The following RABGEF1 variants were observed in gnomAD, a reference collection of about 807,000 sequenced individuals.
RABGEF1 encodes RAB guanine nucleotide exchange factor 1.
Under a neutral mutation model 57.3 loss-of-function variants are expected in RABGEF1, and 26 were observed. The ratio of observed to expected loss-of-function variants is 0.45; its 90% confidence interval spans 0.33 to 0.63. The LOEUF (loss-of-function observed/expected upper bound fraction) is 0.63, where lower values mean the gene tolerates loss of function less well. RABGEF1 is among the 20% of genes least tolerant of loss of function. RABGEF1 has a pLI of 0.02. For synonymous variants in RABGEF1, 185 were observed against 210.7 expected (o/e 0.88, Z 1.06); for missense variants, 464 against 607.6 (o/e 0.76, Z 2.48).
At chr7:66,700,499 T>TCGTTGGGGGGAGGGGGAGGG (rs1793085836) in intron 1 of RABGEF1, among the ~76,000 whole-genome samples, 1 of 62,664 alleles carries the variant, frequency 1.6e-5, no homozygotes, top group Non-Finnish European at 3.9e-5. Flanking sequence ...GAGGGGGAGG[T>TCGTTGGGGGGAGGGGGAGGG]AGGGGAGGGG....
At chr7:66,785,056 T>C (rs1346875672) in intron 4 of RABGEF1, among the ~76,000 whole-genome samples, 1 of 152,220 alleles carries the variant, frequency 6.6e-6, no homozygotes, top group Non-Finnish European at 1.5e-5. Flanking sequence ...GCATGTATGC[T>C]GTATAATATG....
Position 66,705,455 on chromosome 7 carries a change from G to C in RABGEF1, c.-872-6712G>C, listed in dbSNP as rs891138607. 6.0e-4 allele frequency among the ~76,000 whole-genome samples: 78 copies of C among 131,054 alleles called. 1 individual carries two copies. Among genetic ancestry groups the C allele is most frequent in the African/African-American group, 1.9e-3 (65 of 34,722 alleles). The allele number at this position is 131,054 out of a possible 152,430, so 86.0% of individuals were successfully genotyped here. On this transcript the variant is annotated intron_variant and NMD_transcript_variant, in intron 1 of 9. Coordinates refer to the RABGEF1 transcript ENST00000607882. The stretch of plus-strand genomic sequence containing the variant: ...CCATCTCGAAAGAAAGAGAGAGAGA[G>C]AGAGAGAGAGAGAGAGAGAGAGAGA...
chr7:66,657,983 A>T, the RABGEF1 span, among the ~76,000 whole-genome samples: 1 of 152,198 alleles, frequency 6.6e-6, no homozygotes, highest in African/African-American at 2.4e-5. Context: ...TTAAGAGAAT[A>T]GATAAAATTA....
chr7:66,781,151 C>A (rs1809793354), intron 3 of RABGEF1, among the ~76,000 whole-genome samples: 1 of 152,028 alleles, frequency 6.6e-6, no homozygotes, highest in Non-Finnish European at 1.5e-5. Context: ...ACATCTTTAT[C>A]TCCACTATCA....
intron 1 of RABGEF1, among the ~76,000 whole-genome samples, chr7:66,686,077 G>A (rs1790581242): frequency 6.6e-6 from 1 of 152,098 alleles, no homozygotes; most frequent in Non-Finnish European, 1.5e-5. Context: ...CCAGGAGTTA[G>A]AGACCAGCCT....
At chr7:66,749,909 G>C (rs1348397846) in intron 1 of RABGEF1, among the ~76,000 whole-genome samples, 1 of 152,162 alleles carries the variant, frequency 6.6e-6, no homozygotes, top group African/African-American at 2.4e-5. Context: ...GGGAGGCGGA[G>C]CTTGCAGTGA....
chr7:66,719,489 T>G (rs1437802965), intron 2 of RABGEF1, among the ~76,000 whole-genome samples: 1 of 152,226 alleles, frequency 6.6e-6, no homozygotes, highest in Non-Finnish European at 1.5e-5. Context: ...TGAGCCACCA[T>G]GCCTGGCCAA....
chr7:66,736,130 G>A (rs1797915686), upstream of RABGEF1, among the ~76,000 whole-genome samples: 1 of 152,126 alleles, frequency 6.6e-6, no homozygotes, highest in Non-Finnish European at 1.5e-5. Context: ...AAGCCTCAGT[G>A]GGCATCCTGA....
intron 2 of RABGEF1, among the ~76,000 whole-genome samples, chr7:66,727,653 G>C (rs1184579443): frequency 6.6e-6 from 1 of 152,246 alleles, no homozygotes; most frequent in Non-Finnish European, 1.5e-5. Flanking sequence ...AGTCGGGAAG[G>C]CCGGCCCATG....
chr7:66,784,712 T>G (rs1053398702), intron 4 of RABGEF1, among the ~76,000 whole-genome samples: 18 of 152,232 alleles, frequency 1.2e-4, no homozygotes, highest in Admixed American at 1.2e-3. Flanking sequence ...TTTTAGATAT[T>G]GAATTCAGTT....
intron 3 of RABGEF1, among the ~76,000 whole-genome samples, chr7:66,775,652 C>A (rs570744711): frequency 1.5e-3 from 231 of 152,290 alleles, no homozygotes; most frequent in African/African-American, 5.2e-3. Flanking sequence ...TTATGAAATT[C>A]ATCCCCATCC....
chr7:66,754,847 A>G (rs960733201), intron 1 of RABGEF1, among the ~76,000 whole-genome samples: 14 of 152,208 alleles, frequency 9.2e-5, no homozygotes, highest in South Asian at 6.2e-4. Flanking sequence ...TGAAATGGCT[A>G]CAGCAAAGCT....
intron 2 of RABGEF1, among the ~76,000 whole-genome samples, chr7:66,723,643 T>A (rs772788495): frequency 1.3e-5 from 2 of 152,110 alleles, no homozygotes; most frequent in Non-Finnish European, 2.9e-5. Flanking sequence ...TGTAGTGGTG[T>A]GATCTTGGCT....
intron 1 of RABGEF1, among the ~76,000 whole-genome samples, chr7:66,758,695 G>A (rs898401995): frequency 1.3e-5 from 2 of 151,740 alleles, no homozygotes; most frequent in South Asian, 2.1e-4. Context: ...CGACTCTCCT[G>A]CCTTCTACCG....
At chr7:66,767,727 A>G (rs1806105380) in intron 1 of RABGEF1, among the ~76,000 whole-genome samples, 1 of 152,220 alleles carries the variant, frequency 6.6e-6, no homozygotes, top group South Asian at 2.1e-4. Context: ...ATGTGAGGAC[A>G]CAGGGAGAAG....
chr7:66,697,106 A>G (rs1792466282), intron 1 of RABGEF1, among the ~76,000 whole-genome samples: 1 of 152,280 alleles, frequency 6.6e-6, no homozygotes, highest in East Asian at 1.9e-4. Context: ...AAGCACAGTC[A>G]TGGTGGTGAG....
At chr7:66,675,296 G>A in the RABGEF1 span, among the ~76,000 whole-genome samples, 1 of 152,140 alleles carries the variant, frequency 6.6e-6, no homozygotes, top group Non-Finnish European at 1.5e-5. Flanking sequence ...CAGGCGTGGT[G>A]GCAGGAGCCT....
Position 66,734,539 on chromosome 7 carries a change from G to A in RABGEF1, c.-814-5457G>A, listed in dbSNP as rs182941653. On this transcript the variant is annotated intron_variant and NMD_transcript_variant, in intron 2 of 9. Transcript: ENST00000607882. ...TTGAATGCCTGACCTCAAGTGATCC[G>A]CCCATGTTGGCCTCCCAAAGTGCTG... Among the ~76,000 whole-genome samples, 21 of 151,068 alleles carry A rather than the reference G, an allele frequency of 1.4e-4. No individual in the cohort carries two copies. The East Asian group carries it at 2.9e-3, about 21-fold the overall frequency.
chr7:66,676,391 C>A, the RABGEF1 span, among the ~76,000 whole-genome samples: 1 of 152,168 alleles, frequency 6.6e-6, no homozygotes, highest in Non-Finnish European at 1.5e-5. Context: ...CATACTCAAG[C>A]ATATTCAAGT....
Sources: allele counts gnomAD v4.1 joint callset (sites outside exome capture counted in the v4.1 genomes callset), GRCh38; gene constraint gnomAD v4.1.1; transcripts MANE v1.5; gene names NCBI Gene and HGNC (gene_info 2026-07-23, HGNC 2026-07-21).